The following NFIB variants were observed in gnomAD, a reference collection of about 807,000 sequenced individuals.
The protein encoded by NFIB is nuclear factor 1 B-type.
Under a neutral mutation model 61.5 loss-of-function variants are expected in NFIB, and 11 were observed. The ratio of observed to expected loss-of-function variants is 0.18; its 90% CI spans 0.11 to 0.30. The LOEUF (loss-of-function observed/expected upper bound fraction) is 0.30, where lower values mean the gene tolerates loss of function less well. Among genes scored for constraint, NFIB ranks in the 10% least tolerant of loss-of-function variants. The probability of loss-of-function intolerance (pLI) is 1.00; values close to 1 mark genes in which losing one functional copy is unlikely to be tolerated. For synonymous variants in NFIB, 260 were observed against 216.5 expected (o/e 1.20, Z -1.76); for missense variants, 471 against 608.9 (o/e 0.77, Z 2.38).
rs780360215 is a variant in NFIB, at chr9:14,179,739, T to C, written c.604A>G (p.Lys202Glu). The C allele has an allele frequency of 1.2e-6, 2 of 1,613,694 alleles. No homozygotes were observed. The highest frequency in any genetic ancestry group is 2.2e-5 in the South Asian group (2 of 91,032). The change falls in exon 3 of 11, where the codon AAG becomes GAG. Residue 202 changes from lysine (K) to glutamate (E), a missense_variant. Coordinates refer to ENST00000380953, the MANE Select transcript of NFIB (RefSeq NM_001190737.2). ...AACACATATTTACCTGGAGGATTCT[T>C]GGCAGGATCATTGTGGCTTGGACTT... ...SGSPSHNDPAKNPPGYLEDSF... is the reference protein window; with the variant it reads ...SGSPSHNDPAENPPGYLEDSF...
intron 6 of NFIB, among the ~76,000 whole-genome samples, chr9:14,131,739 T>G (rs895935558): frequency 2.6e-5 from 4 of 152,206 alleles, no homozygotes; most frequent in Non-Finnish European, 5.9e-5. Flanking sequence ...GTTTTGGCAA[T>G]TTCTTCATCA....
chr9:14,169,436 AC>A (rs1189611617), intron 3 of NFIB, among the ~76,000 whole-genome samples: 2 of 152,082 alleles, frequency 1.3e-5, no homozygotes, highest in African/African-American at 2.4e-5. Context: ...AAGTCAAAAG[AC>A]CCCAAAAAGA....
At chr9:14,286,012 C>T (rs906221681) in intron 2 of NFIB, among the ~76,000 whole-genome samples, 10 of 151,702 alleles carry the variant, frequency 6.6e-5, no homozygotes, top group African/African-American at 2.4e-4. Context: ...TTCCAGGGCT[C>T]CTTCTAGCAA....
chr9:14,295,378 C>A (rs549286917), intron 2 of NFIB, among the ~76,000 whole-genome samples: 1 of 152,090 alleles, frequency 6.6e-6, no homozygotes, highest in African/African-American at 2.4e-5. Context: ...GTAATCCCAG[C>A]ACTTTGGGAG....
rs78971565 is a variant in NFIB, at chr9:14,111,324, A to G, written c.1467+1675T>C. 2.4e-4 allele frequency among the ~76,000 whole-genome samples: 37 copies of G among 152,278 alleles called. No homozygotes were observed. In the East Asian group the frequency reaches 6.0e-3, roughly 25 times the overall value. The stretch of plus-strand genomic sequence containing the variant: ...CGACATTTATCATAAGGGATAAGAA[A>G]ATTAAAGCTGCCATAGGTTAGGGTA... On this transcript the variant is annotated intron_variant, in intron 10 of 10. Transcript: ENST00000380953.
At chr9:14,207,692 T>C (rs2049888290) in intron 2 of NFIB, among the ~76,000 whole-genome samples, 1 of 152,118 alleles carries the variant, frequency 6.6e-6, no homozygotes. Flanking sequence ...AATCCCCCTC[T>C]AAGCCACATC....
At chr9:14,368,888 A>C (rs982151482) in intron 1 of NFIB, among the ~76,000 whole-genome samples, 1 of 152,218 alleles carries the variant, frequency 6.6e-6, no homozygotes, top group African/African-American at 2.4e-5. Flanking sequence ...ACCTGAGCTC[A>C]GTTTTCCCAA....
chr9:14,318,832 T>C (rs2060599722), upstream of NFIB, among the ~76,000 whole-genome samples: 2 of 152,186 alleles, frequency 1.3e-5, no homozygotes, highest in Non-Finnish European at 2.9e-5. Context: ...AAAGTGCCTG[T>C]ACTTGATGAG....
chr9:14,520,871 A>T, the NFIB span, among the ~76,000 whole-genome samples: 1 of 152,224 alleles, frequency 6.6e-6, no homozygotes, highest in African/African-American at 2.4e-5. Context: ...AGGCCCAAAA[A>T]GTGAGAAACC....
chr9:14,467,656 TAATA>T, the NFIB span, among the ~76,000 whole-genome samples: 1 of 152,252 alleles, frequency 6.6e-6, no homozygotes, highest in Non-Finnish European at 1.5e-5. Flanking sequence ...TTTACTCATT[TAATA>T]AATATTTATT....
the NFIB span, among the ~76,000 whole-genome samples, chr9:14,439,737 G>C: frequency 6.6e-6 from 1 of 152,134 alleles, no homozygotes; most frequent in African/African-American, 2.4e-5. Context: ...GAGTGCCTCA[G>C]GGTCCGGACA....
At chr9:14,468,790 G>A in the NFIB span, among the ~76,000 whole-genome samples, 1 of 152,214 alleles carries the variant, frequency 6.6e-6, no homozygotes, top group Non-Finnish European at 1.5e-5. Flanking sequence ...ACAATTTCAA[G>A]AGGTAGAAAT....
intron 2 of NFIB, among the ~76,000 whole-genome samples, chr9:14,237,763 AGTGTGTGTGTGTGTGTGTGTGTGT>A (rs71321971): frequency 5.5e-4 from 47 of 85,134 alleles, no homozygotes; most frequent in Non-Finnish European, 8.8e-4. Flanking sequence ...TAGGTATAAC[AGTGTGTGTGTGTGTGTGTGTGTGT>A]GTGTGTGTGT....
At chr9:14,491,934 T>C in the NFIB span, among the ~76,000 whole-genome samples, 3 of 152,186 alleles carry the variant, frequency 2.0e-5, no homozygotes, top group African/African-American at 4.8e-5. Context: ...ATCTCATGCA[T>C]TGGCACCTCA....
intron 1 of NFIB, among the ~76,000 whole-genome samples, chr9:14,394,409 T>C (rs1162688451): frequency 6.6e-6 from 1 of 152,116 alleles, no homozygotes; most frequent in Non-Finnish European, 1.5e-5. Context: ...GGACTCACAG[T>C]TCCACATGGC....
intron 2 of NFIB, among the ~76,000 whole-genome samples, chr9:14,209,854 T>G (rs964051433): frequency 1.3e-5 from 2 of 152,052 alleles, no homozygotes; most frequent in African/African-American, 4.8e-5. Flanking sequence ...ACAGGATACA[T>G]TTTAAATGAC....
At chr9:14,357,131 G>A (rs1030210533) in intron 1 of NFIB, 1 of 152,182 alleles carries the variant, frequency 6.6e-6, no homozygotes, top group Non-Finnish European at 1.5e-5. Flanking sequence ...AATTAATATA[G>A]GGCCTTCTTT....
At chr9:14,303,809 T>C (rs993188122) in intron 2 of NFIB, among the ~76,000 whole-genome samples, 23 of 152,208 alleles carry the variant, frequency 1.5e-4, no homozygotes, top group African/African-American at 4.6e-4. Context: ...GCGGTTCTTG[T>C]AGCAACGAAA....
At chr9:14,389,803 T>A (rs2061598294) in intron 1 of NFIB, among the ~76,000 whole-genome samples, 1 of 152,134 alleles carries the variant, frequency 6.6e-6, no homozygotes, top group African/African-American at 2.4e-5. Context: ...TATGACATCA[T>A]CATCAACCAA....
Sources: allele counts gnomAD v4.1 joint callset (sites outside exome capture counted in the v4.1 genomes callset), GRCh38; gene constraint gnomAD v4.1.1; transcripts MANE v1.5; gene names NCBI Gene and HGNC (gene_info 2026-07-23, HGNC 2026-07-21).